The following CPEB3 variants were observed in gnomAD, a reference collection of about 807,000 sequenced individuals.
The protein encoded by CPEB3 is cytoplasmic polyadenylation element-binding protein 3.
A neutral mutation model predicts 67.2 loss-of-function variants in CPEB3; 20 were observed. That is an observed-to-expected ratio of 0.30 (90% CI 0.21 to 0.43). CPEB3 has a LOEUF of 0.43. Ranked by LOEUF, CPEB3 falls within the 20% of genes least tolerant of loss-of-function variation. The pLI is 1.00. For missense variants in CPEB3, 746 were observed against 968.6 expected, an observed-to-expected ratio of 0.77 and a Z score of 3.05; for synonymous variants, 376 against 393.1, an observed-to-expected ratio of 0.96 and a Z score of 0.51.
intron 1 of CPEB3, among the ~76,000 whole-genome samples, chr10:92,280,536 T>G (rs1842230276): frequency 6.7e-6 from 1 of 150,036 alleles, no homozygotes. Context: ...GCCTGGGCAA[T>G]GTGGCAAAAC....
At chr10:92,116,556 A>T (rs1020747119) in intron 6 of CPEB3, among the ~76,000 whole-genome samples, 7 of 112,176 alleles carry the variant, frequency 6.2e-5, no homozygotes, top group Non-Finnish European at 1.1e-4. Context: ...GAAAGGTATT[A>T]AAAAAAAAAA....
chr10:92,280,655 A>G (rs199535004), intron 1 of CPEB3, among the ~76,000 whole-genome samples: 34 of 80,856 alleles, frequency 4.2e-4, no homozygotes, highest in East Asian at 8.1e-4. Context: ...GCCGAGAGTG[A>G]AAAAAAAAAA....
intron 2 of CPEB3, chr10:92,216,387 C>T: frequency 2.5e-6 from 4 of 1,612,418 alleles, no homozygotes; most frequent in Non-Finnish European, 3.4e-6. Context: ...GAGGTGTGTT[C>T]CGGGGAGCGC....
chr10:92,207,531 T>A (rs943109474), intron 2 of CPEB3, among the ~76,000 whole-genome samples: 2 of 152,232 alleles, frequency 1.3e-5, no homozygotes, highest in Non-Finnish European at 2.9e-5. Context: ...TTTACTTTTA[T>A]AGGCTTTTGC....
chr10:92,105,647 C>T (rs1844406485), intron 7 of CPEB3, among the ~76,000 whole-genome samples: 1 of 151,290 alleles, frequency 6.6e-6, no homozygotes, highest in African/African-American at 2.4e-5. Context: ...GTTACTTTGG[C>T]AAATATTTGG....
At chr10:92,203,373 T>C (rs912266164) in intron 2 of CPEB3, among the ~76,000 whole-genome samples, 2 of 147,540 alleles carry the variant, frequency 1.4e-5, no homozygotes, top group Admixed American at 6.9e-5. Flanking sequence ...TATGTATATA[T>C]GTATATATGT....
intron 4 of CPEB3, among the ~76,000 whole-genome samples, chr10:92,151,424 G>T (rs1016872242): frequency 6.6e-6 from 1 of 152,112 alleles, no homozygotes; most frequent in Non-Finnish European, 1.5e-5. Context: ...ATATTCCCTA[G>T]AAGTCAAGAT....
intron 9 of CPEB3, among the ~76,000 whole-genome samples, chr10:92,066,303 G>C (rs1481460916): frequency 6.6e-6 from 1 of 152,128 alleles, no homozygotes; most frequent in African/African-American, 2.4e-5. Context: ...GGTATGGTGA[G>C]GTGTGCCTGT....
At chr10:92,088,353 A>C (rs1052645719) in intron 8 of CPEB3, among the ~76,000 whole-genome samples, 1 of 151,468 alleles carries the variant, frequency 6.6e-6, no homozygotes, top group East Asian at 1.9e-4. Flanking sequence ...CAGCCCCCCA[A>C]GTAGCTGGAA....
chr10:92,204,400 A>C (rs1041994100), intron 2 of CPEB3: 1 of 152,244 alleles, frequency 6.6e-6, no homozygotes, highest in Non-Finnish European at 1.5e-5. Flanking sequence ...AATTTGGGCT[A>C]GCAGCTTTCT....
intron 7 of CPEB3, among the ~76,000 whole-genome samples, chr10:92,109,863 T>C (rs1449051912): frequency 6.6e-6 from 1 of 152,226 alleles, no homozygotes; most frequent in Non-Finnish European, 1.5e-5. Context: ...GATGTCATCA[T>C]CCTTCTCAAC....
chr10:92,193,253 C>T (rs2134181899), intron 2 of CPEB3, among the ~76,000 whole-genome samples: 1 of 152,146 alleles, frequency 6.6e-6, no homozygotes, highest in African/African-American at 2.4e-5. Flanking sequence ...AAGTTTAATA[C>T]AAGTCTCCAT....
chr10:92,128,709 A>G (rs1033268006), intron 6 of CPEB3, among the ~76,000 whole-genome samples: 4 of 152,254 alleles, frequency 2.6e-5, no homozygotes, highest in Non-Finnish European at 2.9e-5. Flanking sequence ...GACACTTTTC[A>G]TAAGACACAC....
chr10:92,230,706 G>T (rs182176037), intron 2 of CPEB3, among the ~76,000 whole-genome samples: 12 of 152,324 alleles, frequency 7.9e-5, no homozygotes, highest in Admixed American at 5.2e-4. Flanking sequence ...TATAATAGGT[G>T]AAATGCAGCA....
intron 4 of CPEB3, among the ~76,000 whole-genome samples, chr10:92,176,609 T>C (rs1022710029): frequency 6.6e-6 from 1 of 152,258 alleles, no homozygotes; most frequent in African/African-American, 2.4e-5. Context: ...AACTTTCCGA[T>C]ATTTATCTGT....
chr10:92,141,949 C>T (rs1413556471), intron 6 of CPEB3, among the ~76,000 whole-genome samples: 2 of 147,114 alleles, frequency 1.4e-5, no homozygotes, highest in South Asian at 2.2e-4. Context: ...ATCCAGGAGG[C>T]GGAGCTTGCA....
chr10:92,202,932 T>C (rs1374893799), intron 2 of CPEB3, among the ~76,000 whole-genome samples: 1 of 151,744 alleles, frequency 6.6e-6, no homozygotes, highest in Non-Finnish European at 1.5e-5. Context: ...CTTGTTTAAA[T>C]TTTTTATTTT....
intron 6 of CPEB3, among the ~76,000 whole-genome samples, chr10:92,125,640 G>C (rs1259989518): frequency 1.3e-5 from 2 of 152,144 alleles, no homozygotes; most frequent in African/African-American, 4.8e-5. Context: ...AATGAGGGAG[G>C]TTATGCTATC....
At chr10:92,269,429 G>C (rs901912460) in intron 1 of CPEB3, among the ~76,000 whole-genome samples, 1 of 151,924 alleles carries the variant, frequency 6.6e-6, no homozygotes. Context: ...CATGAATATA[G>C]AGTATTTTTA....
Sources: allele counts gnomAD v4.1 joint callset (sites outside exome capture counted in the v4.1 genomes callset), GRCh38; gene constraint gnomAD v4.1.1; transcripts MANE v1.5; gene names NCBI Gene and HGNC (gene_info 2026-07-23, HGNC 2026-07-21).